SNTB1: variants seen among roughly 807,000 people sequenced by gnomAD.
SNTB1 encodes beta-1-syntrophin.
In SNTB1, 36 loss-of-function variants were observed where a neutral mutation model predicts 48.9. That is an observed-to-expected ratio of 0.74 (90% CI 0.56 to 0.97). SNTB1 has a LOEUF of 0.97. Among genes scored for constraint, SNTB1 ranks in the 50% least tolerant of loss-of-function variants. SNTB1 has a pLI of 0.00. For synonymous variants in SNTB1, 299 were observed against 294.6 expected (o/e 1.01, Z -0.15); for missense variants, 786 against 703.4 (o/e 1.12, Z -1.33).
At chr8:120,710,814 T>A (rs986093969) in intron 1 of SNTB1, among the ~76,000 whole-genome samples, 13 of 152,300 alleles carry the variant, frequency 8.5e-5, no homozygotes, top group African/African-American at 3.1e-4. Context: ...AAATAAATTT[T>A]TTTTTCTTTA....
At chr8:120,586,615 C>A (rs186454217) in intron 3 of SNTB1, among the ~76,000 whole-genome samples, 12 of 152,320 alleles carry the variant, frequency 7.9e-5, no homozygotes, top group African/African-American at 2.6e-4. Flanking sequence ...CTCTCTCCAT[C>A]TCAAGATCCT....
intron 2 of SNTB1, among the ~76,000 whole-genome samples, chr8:120,685,156 G>C (rs1316178554): frequency 6.6e-6 from 1 of 152,172 alleles, no homozygotes; most frequent in African/African-American, 2.4e-5. Flanking sequence ...CACACTGATG[G>C]CTCTACTGGT....
intron 3 of SNTB1, among the ~76,000 whole-genome samples, chr8:120,613,356 A>AC (rs1816657323): frequency 6.6e-6 from 1 of 151,664 alleles, no homozygotes; most frequent in Non-Finnish European, 1.5e-5. Context: ...CATCTCAAAA[A>AC]AAAAAAAGTT....
intron 3 of SNTB1, among the ~76,000 whole-genome samples, chr8:120,630,206 C>G (rs1158997182): frequency 6.6e-6 from 1 of 152,174 alleles, no homozygotes; most frequent in East Asian, 1.9e-4. Context: ...AGAGTGCATC[C>G]GTGGGGCTTC....
chr8:120,685,970 C>T (rs1029429905), intron 2 of SNTB1, among the ~76,000 whole-genome samples: 77 of 152,178 alleles, frequency 5.1e-4, no homozygotes, highest in African/African-American at 1.8e-3. Context: ...TGAGGATGGC[C>T]TTTCCTCCAT....
intron 4 of SNTB1, among the ~76,000 whole-genome samples, chr8:120,566,187 A>G (rs1586998137): frequency 6.6e-6 from 1 of 151,980 alleles, no homozygotes; most frequent in East Asian, 1.9e-4. Flanking sequence ...AAATTAGCCA[A>G]GTGTGGTCAT....
At chr8:120,608,134 C>T (rs1472881947) in intron 3 of SNTB1, among the ~76,000 whole-genome samples, 1 of 152,210 alleles carries the variant, frequency 6.6e-6, no homozygotes, top group Non-Finnish European at 1.5e-5. Context: ...TCTGTAGGAA[C>T]CCACCTTTGA....
At chr8:120,592,078 T>A (rs1305581618) in intron 3 of SNTB1, among the ~76,000 whole-genome samples, 4 of 152,296 alleles carry the variant, frequency 2.6e-5, no homozygotes, top group South Asian at 4.1e-4. Flanking sequence ...AAATCACCTA[T>A]GAAAATAAAT....
intron 1 of SNTB1, 90 bp from the exon 2 acceptor site, chr8:120,693,998 G>C: frequency 2.0e-6 from 2 of 1,019,954 alleles, no homozygotes; most frequent in Non-Finnish European, 3.1e-6. Context: ...ACTTGCTTTG[G>C]ATAAGCTCTT....
intron 1 of SNTB1, 99 bp from the exon 2 acceptor site, chr8:120,694,007 T>C (rs1203818886): frequency 4.3e-5 from 39 of 897,092 alleles, no homozygotes; most frequent in South Asian, 2.2e-4. Context: ...GGATAAGCTC[T>C]TAATACTGAA....
At chr8:120,654,039 CAAAAAAAA>C (rs58873007) in intron 2 of SNTB1, among the ~76,000 whole-genome samples, 314 of 25,166 alleles carry the variant, frequency 0.012, no homozygotes, top group Non-Finnish European at 0.019. Flanking sequence ...GACTCTGCCT[CAAAAAAAA>C]AAAAAAAAAA....
chr8:120,802,089 C>A (rs1348725522), intron 1 of SNTB1, among the ~76,000 whole-genome samples: 1 of 151,966 alleles, frequency 6.6e-6, no homozygotes, highest in Non-Finnish European at 1.5e-5. Flanking sequence ...ATATATCTTC[C>A]ACGGGATGGC....
At chr8:120,808,240 T>C (rs903303035) in intron 1 of SNTB1, among the ~76,000 whole-genome samples, 7 of 152,180 alleles carry the variant, frequency 4.6e-5, no homozygotes, top group Non-Finnish European at 1.0e-4. Flanking sequence ...AAAAACTTAA[T>C]GTCTGTAAGC....
intron 4 of SNTB1, chr8:120,571,290 A>G: frequency 7.8e-7 from 1 of 1,287,718 alleles, no homozygotes; most frequent in Non-Finnish European, 1.0e-6. Flanking sequence ...GAATCCAGTG[A>G]CTGTGGTCTA....
intron 1 of SNTB1, among the ~76,000 whole-genome samples, chr8:120,780,058 T>C (rs1421005235): frequency 1.4e-5 from 2 of 144,088 alleles, no homozygotes; most frequent in Admixed American, 7.2e-5. Context: ...AGCCTATTGA[T>C]GACATATAAG....
At chr8:120,583,812 C>T (rs1038577272) in intron 3 of SNTB1, among the ~76,000 whole-genome samples, 16 of 152,026 alleles carry the variant, frequency 1.1e-4, no homozygotes, top group Admixed American at 5.9e-4. Flanking sequence ...TAAACCAGTA[C>T]GCCTCATGAA....
chr8:120,734,768 G>A (rs1818914699), intron 1 of SNTB1, among the ~76,000 whole-genome samples: 1 of 152,192 alleles, frequency 6.6e-6, no homozygotes, highest in Admixed American at 6.5e-5. Flanking sequence ...CAGCATCTAT[G>A]TCATGTGGCC....
chr8:120,800,208 T>C (rs1229535004), intron 1 of SNTB1, among the ~76,000 whole-genome samples: 1 of 152,062 alleles, frequency 6.6e-6, no homozygotes, highest in Non-Finnish European at 1.5e-5. Context: ...TTAGTACCTA[T>C]CACATGCTTA....
Position 120,538,646 on chromosome 8 carries a change from A to T in SNTB1, c.*231T>A, listed in dbSNP as rs551955058. 5.0e-6 allele frequency: 3 copies of T among 598,020 alleles called. No homozygotes were observed. The East Asian group carries it at 1.1e-4, about 21-fold the overall frequency. 37.0% of individuals were successfully genotyped at this position (598,020 alleles called of 1,614,324 possible). On this transcript the variant is annotated 3_prime_UTR_variant, in exon 7 of 7. Transcript: ENST00000517992. Reference sequence around the variant, plus strand: ...CGTCACCTCACCTCTTTAACCTTGTACTGTTCTAGAAAGTTTTACTCTGAT... The same window carrying T: ...CGTCACCTCACCTCTTTAACCTTGTTCTGTTCTAGAAAGTTTTACTCTGAT...
Sources: gnomAD v4.1 joint callset for allele counts (sites outside exome capture counted in the v4.1 genomes callset) on GRCh38, gnomAD v4.1.1 for gene constraint, MANE v1.5 for transcripts, NCBI Gene and HGNC (gene_info 2026-07-23, HGNC 2026-07-21) for gene names.